CDK17: variants seen among roughly 807,000 people sequenced by gnomAD.
The protein encoded by CDK17 is cyclin-dependent kinase 17.
Under a neutral mutation model 77.6 loss-of-function variants are expected in CDK17, and 24 were observed. The observed-to-expected ratio is 0.31, with a 90% CI of 0.22 to 0.44. The LOEUF is 0.44. Ranked by LOEUF, CDK17 falls within the 20% of genes least tolerant of loss-of-function variation. CDK17 has a pLI of 1.00. For missense variants in CDK17, 429 were observed against 622.5 expected, an observed-to-expected ratio of 0.69 and a Z score of 3.31; for synonymous variants, 203 against 210.4, an observed-to-expected ratio of 0.96 and a Z score of 0.30.
At chr12:96,375,946 T>TCAC (rs1030135983) in intron 1 of CDK17, among the ~76,000 whole-genome samples, 10 of 152,196 alleles carry the variant, frequency 6.6e-5, no homozygotes, top group African/African-American at 2.4e-4. Context: ...GTCAAACTAT[T>TCAC]CACCAAGAGA....
intron 4 of CDK17, among the ~76,000 whole-genome samples, chr12:96,313,025 T>C (rs538513885): frequency 2.0e-5 from 3 of 152,348 alleles, no homozygotes; most frequent in Admixed American, 6.5e-5. Flanking sequence ...TCCAGAATTT[T>C]TGAAAATTCA....
chr12:96,354,199 A>C (rs1167564793), intron 1 of CDK17, among the ~76,000 whole-genome samples: 1 of 152,226 alleles, frequency 6.6e-6, no homozygotes, highest in Non-Finnish European at 1.5e-5. Context: ...GATCTGGCCA[A>C]GTCTCTGAAA....
At chr12:96,298,589 T>C (rs1218049465) in intron 7 of CDK17, among the ~76,000 whole-genome samples, 2 of 152,208 alleles carry the variant, frequency 1.3e-5, no homozygotes, top group African/African-American at 4.8e-5. Context: ...TTTATCTGGT[T>C]AATTTATAGT....
At chr12:96,372,252 G>A (rs1953707431) in intron 1 of CDK17, among the ~76,000 whole-genome samples, 2 of 152,020 alleles carry the variant, frequency 1.3e-5, no homozygotes, top group South Asian at 4.1e-4. Context: ...CAATCTTCTG[G>A]TAAAGGTTTT....
intron 2 of CDK17, 27 bp downstream of exon 2, chr12:96,334,692 G>T: frequency 8.7e-7 from 1 of 1,146,706 alleles, no homozygotes; most frequent in Non-Finnish European, 1.3e-6. Context: ...AAAGGAGGAA[G>T]CATCTCCCCC....
intron 10 of CDK17, among the ~76,000 whole-genome samples, chr12:96,294,584 CAAAAAAAAAAA>C (rs11313631): frequency 1.5e-4 from 8 of 54,346 alleles, no homozygotes; most frequent in Admixed American, 2.8e-4. Flanking sequence ...ATGCTGTCTT[CAAAAAAAAAAA>C]AAAAAAAAAA....
intron 1 of CDK17, among the ~76,000 whole-genome samples, chr12:96,355,807 A>C (rs1953385274): frequency 6.6e-6 from 1 of 152,206 alleles, no homozygotes. Context: ...ATTTAGAACA[A>C]ATCCTGACAC....
chr12:96,334,365 T>G (rs1953012057), intron 2 of CDK17, among the ~76,000 whole-genome samples: 1 of 152,204 alleles, frequency 6.6e-6, no homozygotes, highest in South Asian at 2.1e-4. Flanking sequence ...CTATGCACTT[T>G]TAAGCTGTAT....
intron 1 of CDK17, among the ~76,000 whole-genome samples, chr12:96,335,392 T>G (rs1386280250): frequency 6.6e-6 from 1 of 152,224 alleles, no homozygotes. Flanking sequence ...TTTTTACTTG[T>G]TAGGCTTTCA....
chr12:96,286,700 C>A lies in CDK17; in HGVS notation c.1180G>T (p.Val394Leu). 1 of 1,613,430 alleles carries A rather than the reference C, an allele frequency of 6.2e-7. No individual in the cohort carries two copies. The highest frequency in any genetic ancestry group is 8.5e-7 in the Non-Finnish European group (1 of 1,179,554). The change falls in exon 12 of 17, where the codon GTG becomes TTG. Residue 394 changes from valine (V) to leucine (L), a missense_variant. Transcript: ENST00000261211. ...SGRPLFPGST[V>L]EDELHLIFRL... ...AAAATTAAGTGCAGTTCATCTTCCACGGTTGATCCTGGAAATAAAGGTCTT... is the reference window on the plus strand; with the variant it reads ...AAAATTAAGTGCAGTTCATCTTCCAAGGTTGATCCTGGAAATAAAGGTCTT...
At chr12:96,330,341 C>T (rs1369372148) in intron 2 of CDK17, among the ~76,000 whole-genome samples, 2 of 151,426 alleles carry the variant, frequency 1.3e-5, no homozygotes, top group Non-Finnish European at 2.9e-5. Context: ...TGAGGGAAAG[C>T]TGAAGCTCAG....
chr12:96,399,903 CCTCTGT>C (rs1353990048), intron 1 of CDK17, 77 bp downstream of exon 1: 3 of 331,140 alleles, frequency 9.1e-6, no homozygotes, highest in African/African-American at 2.1e-5. Flanking sequence ...CCCGCCCCCG[CCTCTGT>C]CCCACGCAGC....
chr12:96,317,904 C>A (rs1352647188), intron 3 of CDK17, among the ~76,000 whole-genome samples: 2 of 148,842 alleles, frequency 1.3e-5, no homozygotes, highest in Admixed American at 6.7e-5. Flanking sequence ...TGAGCAAAAT[C>A]ACCACCTAAC....
In CDK17 at chr12:96,344,968, C is replaced by T. The variant is rs1185099686; in HGVS notation, c.-29-10103G>A. On this transcript the variant is annotated intron_variant, in intron 1 of 16. Coordinates refer to ENST00000261211, the MANE Select transcript of CDK17 (RefSeq NM_002595.5). Reference sequence around the variant, plus strand: ...CATGCATTAGCTCTTTTCCCTAATGCTCTCCCTACCCCTGCCCTCCTCCGA... The same window carrying T: ...CATGCATTAGCTCTTTTCCCTAATGTTCTCCCTACCCCTGCCCTCCTCCGA... 2.0e-5 allele frequency among the ~76,000 whole-genome samples: 3 copies of T among 152,154 alleles called. No homozygotes were observed. In the East Asian group the frequency reaches 5.8e-4, roughly 29 times the overall value.
intron 5 of CDK17, among the ~76,000 whole-genome samples, chr12:96,303,678 A>C (rs928481075): frequency 6.6e-6 from 1 of 151,802 alleles, no homozygotes; most frequent in Non-Finnish European, 1.5e-5. Context: ...GAAAATTCTA[A>C]ATATATATAT....
At chr12:96,379,400 G>T (rs1050630408) in intron 1 of CDK17, among the ~76,000 whole-genome samples, 1 of 151,948 alleles carries the variant, frequency 6.6e-6, no homozygotes. Flanking sequence ...TTAAACAAAA[G>T]CATCTATCAT....
chr12:96,350,299 TG>T (rs1953290619), intron 1 of CDK17, among the ~76,000 whole-genome samples: 1 of 150,974 alleles, frequency 6.6e-6, no homozygotes, highest in African/African-American at 2.4e-5. Flanking sequence ...GCTATGATTA[TG>T]CCACTGCACT....
intron 1 of CDK17, among the ~76,000 whole-genome samples, chr12:96,377,468 G>A (rs1333608478): frequency 2.0e-5 from 3 of 152,056 alleles, no homozygotes; most frequent in African/African-American, 4.8e-5. Context: ...GGGAAAAAAC[G>A]TAAAATGCCC....
rs1370519181 is a variant in CDK17, at chr12:96,324,181, C to T, written c.119-69G>A. 4 of 1,300,204 alleles carry T rather than the reference C, an allele frequency of 3.1e-6. No homozygotes were observed. The Admixed American group carries it at 1.1e-4, about 36-fold the overall frequency. The allele number at this position is 1,300,204 out of a possible 1,614,324, so 80.5% of individuals were successfully genotyped here. A position where few individuals can be genotyped will look rare whatever the true frequency, so the allele number is the denominator to read the frequency against. Reference sequence around the variant, plus strand: ...GATCCAGGATCACATGAGAAGGATTCAGAAAGCAAAACAAAAAGTTGTAAC... The same window carrying T: ...GATCCAGGATCACATGAGAAGGATTTAGAAAGCAAAACAAAAAGTTGTAAC... On this transcript the variant is annotated intron_variant, in intron 2 of 16. Coordinates refer to ENST00000261211, the MANE Select transcript of CDK17 (RefSeq NM_002595.5).
Sources: allele counts gnomAD v4.1 joint callset (sites outside exome capture counted in the v4.1 genomes callset), GRCh38; gene constraint gnomAD v4.1.1; transcripts MANE v1.5; gene names NCBI Gene and HGNC (gene_info 2026-07-23, HGNC 2026-07-21).